The following LIN9 variants were observed in gnomAD, a reference collection of about 807,000 sequenced individuals.
LIN9 encodes the protein protein lin-9 homolog.
LIN9 carries 18 observed loss-of-function variants against 78.0 expected under a neutral mutation model. The ratio of observed to expected loss-of-function variants is 0.23; its 90% confidence interval spans 0.16 to 0.34. LIN9 has a LOEUF of 0.34. Among genes scored for constraint, LIN9 ranks in the 10% least tolerant of loss-of-function variants. The pLI is 1.00. For synonymous variants in LIN9, 192 were observed against 215.2 expected, an observed-to-expected ratio of 0.89 and a Z score of 0.94; for missense variants, 451 against 644.1, an observed-to-expected ratio of 0.70 and a Z score of 3.25.
chr1:226,266,330 A>G lies in LIN9; in HGVS notation c.819T>C (p.Ser273=). ...TTGGCATTGTCTCATGAGGTTCATTACTCTGAGAAAACAGAATAATTCACA... is the reference window on the plus strand; with the variant it reads ...TTGGCATTGTCTCATGAGGTTCATTGCTCTGAGAAAACAGAATAATTCACA... ...THTIPDYEVL[S]NEPHETMPIA... Residue 273 remains serine, a splice_region_variant and synonymous_variant, in exon 9 of 15, where the codon AGT becomes AGC. Coordinates refer to ENST00000681046, the MANE Select transcript of LIN9 (RefSeq NM_001366245.2). The G allele has an allele frequency of 1.9e-6, 3 of 1,585,590 alleles. No homozygotes were observed. Among genetic ancestry groups the G allele is most frequent in the Non-Finnish European group, 2.6e-6 (3 of 1,164,838 alleles).
At chr1:226,242,111 A>G (rs532818076) in intron 11 of LIN9, among the ~76,000 whole-genome samples, 1 of 152,364 alleles carries the variant, frequency 6.6e-6, no homozygotes, top group African/African-American at 2.4e-5. Flanking sequence ...GAATAAATGT[A>G]CAAGAATGAC....
chr1:226,309,374 G>C (rs1021627705), upstream of LIN9: 2 of 988,612 alleles, frequency 2.0e-6, no homozygotes, highest in African/African-American at 3.5e-5. Context: ...CGGCCGAGCC[G>C]GGCGGGAGGA....
chr1:226,241,929 T>C (rs913864940), intron 11 of LIN9, among the ~76,000 whole-genome samples: 4 of 152,198 alleles, frequency 2.6e-5, no homozygotes, highest in African/African-American at 9.6e-5. Flanking sequence ...AACAGATATA[T>C]ACTTCCTGTC....
chr1:226,251,230 T>TTTTTA (rs71574567), intron 10 of LIN9, among the ~76,000 whole-genome samples: 2 of 46,886 alleles, frequency 4.3e-5, no homozygotes, highest in South Asian at 8.3e-4. Flanking sequence ...ATTTTTGTAA[T>TTTTTA]TTTTTTTTTT....
At position 226,249,845 on chromosome 1, in the gene LIN9, T is replaced by C. The variant is rs74905455; in HGVS notation, c.1119+994A>G. Among the ~76,000 whole-genome samples the C allele has an allele frequency of 6.9e-3, 1,053 of 152,304 alleles. 8 individuals are homozygous for C. Among genetic ancestry groups the C allele is most frequent in the Non-Finnish European group, 0.01 (694 of 68,024 alleles). On this transcript the variant is annotated intron_variant, in intron 11 of 14. Transcript: ENST00000681046. ...TTTCATTACAATTCAAAGACTTTCT[T>C]AGTGAATAGTGCCTACATAAACAGC...
At chr1:226,271,676 G>A (rs1660285008) in intron 7 of LIN9, among the ~76,000 whole-genome samples, 1 of 152,156 alleles carries the variant, frequency 6.6e-6, no homozygotes, top group Non-Finnish European at 1.5e-5. Flanking sequence ...TACTGGAAGT[G>A]AGGTGTTAAA....
intron 1 of LIN9, among the ~76,000 whole-genome samples, chr1:226,305,725 G>C (rs1013684607): frequency 6.6e-6 from 1 of 152,060 alleles, no homozygotes; most frequent in Non-Finnish European, 1.5e-5. Context: ...TTACCCCAAG[G>C]GATAGAATGA....
At chr1:226,246,427 C>G (rs534639120) in intron 11 of LIN9, among the ~76,000 whole-genome samples, 1 of 152,200 alleles carries the variant, frequency 6.6e-6, no homozygotes, top group South Asian at 2.1e-4. Context: ...ACTCCCCACT[C>G]CCATCCTGCC....
At position 226,236,512 on chromosome 1, in the gene LIN9, A is replaced by G. The variant is rs984352797; in HGVS notation, c.1245+2459T>C. Among the ~76,000 whole-genome samples the G allele has an allele frequency of 3.3e-5, 5 of 151,710 alleles. 1 individual carries two copies. Among genetic ancestry groups the G allele is most frequent in the East Asian group, 3.9e-4 (2 of 5,174 alleles). ...GCTCTGTTGCCCAGGCTGGAGTGCAATGGCGCAATCTCGGCTCACTGCAAG... is the reference window on the plus strand; with the variant it reads ...GCTCTGTTGCCCAGGCTGGAGTGCAGTGGCGCAATCTCGGCTCACTGCAAG... On this transcript the variant is annotated intron_variant, in intron 12 of 14. Coordinates refer to ENST00000681046, the MANE Select transcript of LIN9 (RefSeq NM_001366245.2).
intron 1 of LIN9, among the ~76,000 whole-genome samples, chr1:226,306,903 CAAAG>C (rs1250163315): frequency 2.0e-5 from 3 of 151,994 alleles, no homozygotes; most frequent in South Asian, 2.1e-4. Flanking sequence ...CACTGTATGA[CAAAG>C]AAAGAAAGAA....
upstream of LIN9, chr1:226,309,716 C>T (rs1663182942): frequency 1.6e-6 from 2 of 1,288,108 alleles, no homozygotes; most frequent in Non-Finnish European, 2.0e-6. Flanking sequence ...GTCGCGACGT[C>T]CGGGACTCGG....
intron 11 of LIN9, among the ~76,000 whole-genome samples, chr1:226,242,511 G>T (rs1658179813): frequency 6.6e-6 from 1 of 152,136 alleles, no homozygotes; most frequent in Non-Finnish European, 1.5e-5. Context: ...ATATGTTTAT[G>T]AATAAGAGGT....
intron 11 of LIN9, among the ~76,000 whole-genome samples, chr1:226,249,180 A>G (rs1331069542): frequency 6.6e-6 from 1 of 152,238 alleles, no homozygotes; most frequent in Non-Finnish European, 1.5e-5. Flanking sequence ...TGACCAGAGA[A>G]AAACAGAAGT....
intron 10 of LIN9, among the ~76,000 whole-genome samples, chr1:226,253,849 A>G (rs549876646): frequency 6.6e-6 from 1 of 152,262 alleles, no homozygotes; most frequent in Admixed American, 6.5e-5. Flanking sequence ...CAGGAAGCAG[A>G]GTCTGCAATG....
intron 7 of LIN9, among the ~76,000 whole-genome samples, chr1:226,270,204 G>A (rs968027637): frequency 2.6e-5 from 4 of 152,122 alleles, no homozygotes; most frequent in Non-Finnish European, 2.9e-5. Flanking sequence ...GGGATTACAG[G>A]CGTGAGCCAC....
chr1:226,236,404 T>C (rs1165230810), intron 12 of LIN9, among the ~76,000 whole-genome samples: 1 of 152,022 alleles, frequency 6.6e-6, no homozygotes, highest in Non-Finnish European at 1.5e-5. Context: ...TTGAGCTTTA[T>C]AAAAATGTAA....
chr1:226,297,219 T>C (rs1365940215), intron 3 of LIN9, among the ~76,000 whole-genome samples: 1 of 152,148 alleles, frequency 6.6e-6, no homozygotes, highest in African/African-American at 2.4e-5. Context: ...CAGGACTGTT[T>C]CATGACAGAC....
intron 11 of LIN9, among the ~76,000 whole-genome samples, chr1:226,250,297 A>G (rs1453233802): frequency 6.6e-6 from 1 of 152,156 alleles, no homozygotes; most frequent in Non-Finnish European, 1.5e-5. Context: ...CAACATAGAT[A>G]TTTCCTGACT....
chr1:226,241,877 G>A lies in LIN9; in HGVS notation c.1120-2781C>T, dbSNP rs1264104418. On this transcript the variant is annotated intron_variant, in intron 11 of 14. Coordinates refer to ENST00000681046, the MANE Select transcript of LIN9 (RefSeq NM_001366245.2). ...TGTTTCAAAAAAAAAAAAGAAAAGGGGGTGATGTAACTAATGAACCATAAA... is the reference window on the plus strand; with the variant it reads ...TGTTTCAAAAAAAAAAAAGAAAAGGAGGTGATGTAACTAATGAACCATAAA... Among the ~76,000 whole-genome samples the A allele has an allele frequency of 2.0e-5, 3 of 151,554 alleles. No individual in the cohort carries two copies. In the East Asian group the frequency reaches 5.8e-4, roughly 29 times the overall value.
Sources: allele counts gnomAD v4.1 joint callset (sites outside exome capture counted in the v4.1 genomes callset), GRCh38; gene constraint gnomAD v4.1.1; transcripts MANE v1.5; gene names NCBI Gene and HGNC (gene_info 2026-07-23, HGNC 2026-07-21).